Variants in CYP20A1 observed in about 807,000 individuals in gnomAD.
The protein encoded by CYP20A1 is cytochrome P450 20A1.
CYP20A1 carries 61 observed loss-of-function variants against 61.4 expected under a neutral mutation model. The observed-to-expected ratio is 0.99, with a 90% CI of 0.81 to 1.23. The LOEUF (loss-of-function observed/expected upper bound fraction) is 1.23, where lower values mean the gene tolerates loss of function less well. Among genes scored for constraint, CYP20A1 ranks in the 50% most tolerant of loss-of-function variants. The pLI is 0.00. For synonymous variants in CYP20A1, 193 were observed against 188.2 expected (o/e 1.03, Z -0.21); for missense variants, 530 against 542.4 (o/e 0.98, Z 0.23).
At chr2:203,263,464 A>T (rs2152072234) in intron 4 of CYP20A1, among the ~76,000 whole-genome samples, 1 of 148,518 alleles carries the variant, frequency 6.7e-6, no homozygotes, top group Non-Finnish European at 1.5e-5. Flanking sequence ...TAATTTTTGT[A>T]TTTTCAGTAG....
intron 3 of CYP20A1, among the ~76,000 whole-genome samples, chr2:203,247,948 A>G (rs530164475): frequency 2.0e-5 from 3 of 151,390 alleles, no homozygotes; most frequent in South Asian, 2.1e-4. Flanking sequence ...TGTATTGGCC[A>G]GGCATAGTGG....
chr2:203,255,727 A>C (rs1215431590), intron 4 of CYP20A1, among the ~76,000 whole-genome samples: 1 of 152,070 alleles, frequency 6.6e-6, no homozygotes, highest in Non-Finnish European at 1.5e-5. Flanking sequence ...CTGGTTTCCC[A>C]CATTCTCATT....
rs765123651 is a variant in CYP20A1 at position 203,246,770 on chromosome 2, A to G, written c.138A>G (p.Pro46=). ...TPTEEKDGNL[P]DIVNSGSLHE... is the part of the protein sequence containing the mutation. ...CTTTTGCCAGAGATGGTAATCTTCC[A>G]GATATTGTGAATAGTGGAAGTTTGC... Residue 46 remains proline, a synonymous_variant, in exon 3 of 13, where the codon CCA becomes CCG. Coordinates refer to ENST00000356079, the MANE Select transcript of CYP20A1 (RefSeq NM_177538.3). 5.0e-6 allele frequency: 8 copies of G among 1,613,498 alleles called. No individual in the cohort carries two copies. The South Asian group carries it at 8.8e-5, about 18-fold the overall frequency.
chr2:203,288,567 A>G (rs1280394711), intron 9 of CYP20A1, among the ~76,000 whole-genome samples: 1 of 152,168 alleles, frequency 6.6e-6, no homozygotes, highest in African/African-American at 2.4e-5. Flanking sequence ...GTTGTAGCTC[A>G]GTATCTAGCA....
intron 3 of CYP20A1, among the ~76,000 whole-genome samples, chr2:203,248,574 CAG>C (rs2066545132): frequency 6.6e-6 from 1 of 151,790 alleles, no homozygotes; most frequent in Non-Finnish European, 1.5e-5. Context: ...GCTAGGCAAA[CAG>C]ATGTAAAAGA....
At chr2:203,266,367 C>A in intron 4 of CYP20A1, 147 bp from the exon 5 acceptor site, 1 of 646,550 alleles carries the variant, frequency 1.5e-6, no homozygotes, top group Non-Finnish European at 2.7e-6. Context: ...ATAGGTGGAG[C>A]TAGTGTTAGT....
rs1651 is a variant in CYP20A1, at chr2:203,298,430, A to T, written c.*1522A>T. 0.017 allele frequency: 2,888 copies of T among 165,446 alleles called. 88 individuals carry two copies. The highest frequency in any genetic ancestry group is 0.087 in the East Asian group (572 of 6,580). 10.2% of individuals were successfully genotyped at this position (165,446 alleles called of 1,614,324 possible). ...CAAAAAAGGCCGGGCTCGGTGGCTC[A>T]TGCCTATAATACTTTGGGAGGCCGA... On this transcript the variant is annotated 3_prime_UTR_variant, in exon 13 of 13. Transcript: ENST00000356079.
At chr2:203,251,345 T>C (rs570048813) in intron 3 of CYP20A1, among the ~76,000 whole-genome samples, 2 of 151,808 alleles carry the variant, frequency 1.3e-5, no homozygotes, top group African/African-American at 4.8e-5. Context: ...GTGCTTTTTT[T>C]AAAAAAATTT....
chr2:203,302,323 A>G lies in CYP20A1; in HGVS notation c.*5415A>G, dbSNP rs548720158. Among the ~76,000 whole-genome samples the G allele has an allele frequency of 2.2e-4, 34 of 152,252 alleles. No individual in the cohort carries two copies. The highest frequency in any genetic ancestry group is 8.2e-4 in the African/African-American group (34 of 41,556). On this transcript the variant is annotated 3_prime_UTR_variant, in exon 13 of 13. Transcript: ENST00000356079. ...AGGCGGCCAGATTGCTTGAGCTTTTAGAAGTTTGAGACCAGCCTGGGCAAC... is the reference window on the plus strand; with the variant it reads ...AGGCGGCCAGATTGCTTGAGCTTTTGGAAGTTTGAGACCAGCCTGGGCAAC...
intron 4 of CYP20A1, among the ~76,000 whole-genome samples, chr2:203,257,620 T>C (rs1453887553): frequency 6.6e-6 from 1 of 151,966 alleles, no homozygotes; most frequent in Non-Finnish European, 1.5e-5. Flanking sequence ...AAACTCCGTC[T>C]CTACTAAAAA....
Position 203,294,934 on chromosome 2 carries a change from TAA to T in CYP20A1, c.1149-1534_1149-1533del, listed in dbSNP as rs1208377877. The stretch of plus-strand genomic sequence containing the variant: ...GCCTTGAGCCACTGTGCCCAGCCTT[TAA>T]AAAAATTTTTTTTTTTTTTTTTTTT... On this transcript the variant is annotated intron_variant, in intron 11 of 12. Transcript: ENST00000356079. 3.6e-3 allele frequency among the ~76,000 whole-genome samples: 275 copies of T among 77,094 alleles called. 3 individuals are homozygous for T. The highest frequency in any genetic ancestry group is 9.9e-3 in the African/African-American group (265 of 26,742). 50.6% of individuals were successfully genotyped at this position (77,094 alleles called of 152,430 possible).
chr2:203,286,815 A>G (rs1019103985), intron 9 of CYP20A1, among the ~76,000 whole-genome samples: 1 of 152,180 alleles, frequency 6.6e-6, no homozygotes, highest in African/African-American at 2.4e-5. Context: ...GCATATAACT[A>G]TACCTTAATT....
chr2:203,278,561 T>C lies in CYP20A1; in HGVS notation c.680-12T>C, dbSNP rs2067916182. ...GCTTGTATTCTAAAATTATTTTGTTTTTTTCTCTAAGCCCTCATGCAACTG... is the reference window on the plus strand; with the variant it reads ...GCTTGTATTCTAAAATTATTTTGTTCTTTTCTCTAAGCCCTCATGCAACTG... On this transcript the variant is annotated splice_polypyrimidine_tract_variant and intron_variant, in intron 6 of 12. Coordinates refer to ENST00000356079, the MANE Select transcript of CYP20A1 (RefSeq NM_177538.3). 4 of 1,423,528 alleles carry C rather than the reference T, an allele frequency of 2.8e-6. No homozygotes were observed. The highest frequency in any genetic ancestry group is 3.8e-6 in the Non-Finnish European group (4 of 1,039,196). 88.2% of individuals were successfully genotyped at this position (1,423,528 alleles called of 1,614,324 possible). A position where few individuals can be genotyped will look rare whatever the true frequency, so the allele number is the denominator to read the frequency against.
At chr2:203,272,153 G>T (rs1408618661) in intron 5 of CYP20A1, among the ~76,000 whole-genome samples, 1 of 152,186 alleles carries the variant, frequency 6.6e-6, no homozygotes, top group Non-Finnish European at 1.5e-5. Flanking sequence ...CTTGACTGAA[G>T]TCATCAAAAT....
chr2:203,289,235 A>G (rs2068429236), intron 9 of CYP20A1, among the ~76,000 whole-genome samples: 1 of 152,036 alleles, frequency 6.6e-6, no homozygotes. Context: ...GTTTTTGTGA[A>G]TTGCTTTTTG....
chr2:203,288,708 A>G (rs1411848860), intron 9 of CYP20A1, among the ~76,000 whole-genome samples: 3 of 152,164 alleles, frequency 2.0e-5, no homozygotes, highest in Admixed American at 1.3e-4. Context: ...CATCTTTACT[A>G]ATATTTCCAA....
intron 3 of CYP20A1, among the ~76,000 whole-genome samples, chr2:203,247,374 T>G (rs2066498241): frequency 1.3e-5 from 2 of 152,252 alleles, no homozygotes; most frequent in South Asian, 4.1e-4. Context: ...GGCACTGTGC[T>G]GATGTCTTAT....
At position 203,278,576 on chromosome 2, in the gene CYP20A1, T is replaced by G; in HGVS notation, c.683T>G (p.Leu228Arg). The change falls in exon 7 of 13, where the codon CTC becomes CGC. Residue 228 changes from leucine (L) to arginine (R), a missense_variant. Transcript: ENST00000356079. ...TTATTTTGTTTTTTTCTCTAAGCCC[T>G]CATGCAACTGGAGTCTGTTTTAAGG... The part of the protein sequence containing the change: ...MTRKKQYEDA[L>R]MQLESVLRNI... The G allele has an allele frequency of 6.5e-7, 1 of 1,537,930 alleles. No homozygotes were observed. The highest frequency in any genetic ancestry group is 8.8e-7 in the Non-Finnish European group (1 of 1,134,004).
intron 4 of CYP20A1, among the ~76,000 whole-genome samples, chr2:203,256,674 G>A (rs768035803): frequency 2.0e-5 from 3 of 152,066 alleles, no homozygotes; most frequent in Non-Finnish European, 4.4e-5. Context: ...TCTATTTTTT[G>A]TAATCCTTTG....
Sources: allele counts gnomAD v4.1 joint callset (sites outside exome capture counted in the v4.1 genomes callset), GRCh38; gene constraint gnomAD v4.1.1; transcripts MANE v1.5; gene names NCBI Gene and HGNC (gene_info 2026-07-23, HGNC 2026-07-21).